PIK3C2G: variants seen among roughly 807,000 people sequenced by gnomAD.
PIK3C2G encodes the protein phosphatidylinositol-4-phosphate 3-kinase catalytic subunit type 2 gamma, also known as phosphatidylinositol 3-kinase C2 domain-containing subunit gamma.
In PIK3C2G, 168 loss-of-function variants were observed where a neutral mutation model predicts 181.1. The observed-to-expected ratio is 0.93, with a 90% CI of 0.82 to 1.05. The LOEUF is 1.05. PIK3C2G is among the 50% of genes least tolerant of loss of function. The pLI is 0.00. For missense variants in PIK3C2G, 1,869 were observed against 1,732.8 expected (o/e 1.08, Z -1.40); for synonymous variants, 573 against 592.2 (o/e 0.97, Z 0.47).
At chr12:18,336,243 C>T (rs1318770645) in intron 8 of PIK3C2G, among the ~76,000 whole-genome samples, 1 of 152,096 alleles carries the variant, frequency 6.6e-6, no homozygotes, top group Non-Finnish European at 1.5e-5. Flanking sequence ...ATTGTTCTCA[C>T]TTCACAGAAG....
At chr12:18,406,017 A>C (rs959707009) in intron 16 of PIK3C2G, among the ~76,000 whole-genome samples, 15 of 152,164 alleles carry the variant, frequency 9.9e-5, no homozygotes, top group Admixed American at 2.6e-4. Context: ...CTTTGACAAC[A>C]ATCTCCTCTT....
At chr12:18,501,993 G>C (rs1941522786) in intron 22 of PIK3C2G, among the ~76,000 whole-genome samples, 1 of 152,128 alleles carries the variant, frequency 6.6e-6, no homozygotes, top group African/African-American at 2.4e-5. Flanking sequence ...AAATTTTCAG[G>C]ATTAAAAAGC....
At chr12:18,701,664 A>G in the PIK3C2G span, 93 of 1,600,510 alleles carry the variant, frequency 5.8e-5, no homozygotes, top group Non-Finnish European at 7.6e-5. Flanking sequence ...TCCATCTGCC[A>G]CTTCTTCTTC....
chr12:18,346,591 G>A (rs777149460), intron 10 of PIK3C2G, 50 bp from the exon 11 acceptor site: 1 of 1,070,664 alleles, frequency 9.3e-7, no homozygotes. Context: ...GATGGCCTAT[G>A]ATAAATATGG....
chr12:18,645,403 A>C (rs1320517893), intron 32 of PIK3C2G, among the ~76,000 whole-genome samples: 3 of 152,196 alleles, frequency 2.0e-5, no homozygotes, highest in African/African-American at 7.2e-5. Context: ...TTTTAAGAAA[A>C]TAACTTTTCT....
chr12:18,716,883 T>C, the PIK3C2G span, among the ~76,000 whole-genome samples: 1 of 152,198 alleles, frequency 6.6e-6, no homozygotes, highest in African/African-American at 2.4e-5. Context: ...ATTAAGATAT[T>C]GAATGCTTTA....
chr12:18,474,188 T>G (rs1389501940), intron 18 of PIK3C2G, among the ~76,000 whole-genome samples: 1 of 152,128 alleles, frequency 6.6e-6, no homozygotes, highest in African/African-American at 2.4e-5. Context: ...GTCAATTGAG[T>G]ATCATTAGCT....
chr12:18,569,432 A>G (rs992466374), intron 29 of PIK3C2G, among the ~76,000 whole-genome samples: 46 of 152,262 alleles, frequency 3.0e-4, no homozygotes, highest in African/African-American at 9.4e-4. Flanking sequence ...TTTTAGGCCA[A>G]CAATGCAGTG....
At chr12:18,507,293 T>C (rs1244710657) in intron 24 of PIK3C2G, among the ~76,000 whole-genome samples, 3 of 152,082 alleles carry the variant, frequency 2.0e-5, no homozygotes, top group Non-Finnish European at 4.4e-5. Flanking sequence ...CCTCCCAAAG[T>C]GCGGGGATTA....
intron 20 of PIK3C2G, among the ~76,000 whole-genome samples, 195 bp from the exon 21 acceptor site, chr12:18,495,867 C>CTCCA (rs1229347349): frequency 1.3e-5 from 2 of 152,072 alleles, no homozygotes; most frequent in African/African-American, 2.4e-5. Context: ...AAAGTAAAGG[C>CTCCA]TCCAGTTGAT....
chr12:18,661,136 G>C, the PIK3C2G span, among the ~76,000 whole-genome samples: 1 of 152,014 alleles, frequency 6.6e-6, no homozygotes, highest in Non-Finnish European at 1.5e-5. Context: ...TTTAAGAAAA[G>C]TGAACAGAGC....
chr12:18,408,269 G>C (rs1423542295), intron 16 of PIK3C2G, among the ~76,000 whole-genome samples: 2 of 152,088 alleles, frequency 1.3e-5, no homozygotes, highest in Non-Finnish European at 2.9e-5. Flanking sequence ...TCCAGTTTTA[G>C]CTTTCTGGAT....
chr12:18,622,822 A>G (rs1555153688), intron 31 of PIK3C2G, among the ~76,000 whole-genome samples: 2 of 151,686 alleles, frequency 1.3e-5, no homozygotes, highest in Non-Finnish European at 3.0e-5. Context: ...CATTTTTTTC[A>G]TGTATCTGTT....
chr12:18,413,635 A>G (rs189830498), intron 16 of PIK3C2G, among the ~76,000 whole-genome samples: 1 of 152,240 alleles, frequency 6.6e-6, no homozygotes, highest in East Asian at 1.9e-4. Context: ...CATCAGCCTC[A>G]TGAATCTCCT....
chr12:18,425,458 C>A, intron 18 of PIK3C2G, among the ~76,000 whole-genome samples: 1 of 125,030 alleles, frequency 8.0e-6, no homozygotes, highest in Admixed American at 1.1e-4. Context: ...GTGGTGCAAT[C>A]TCAGCTCACT....
At chr12:18,622,964 A>G in intron 31 of PIK3C2G, among the ~76,000 whole-genome samples, 1 of 151,652 alleles carries the variant, frequency 6.6e-6, no homozygotes, top group South Asian at 2.1e-4. Context: ...CAGATATATG[A>G]CTTGCAAATA....
the PIK3C2G span, among the ~76,000 whole-genome samples, chr12:18,664,550 A>C: frequency 6.6e-6 from 1 of 152,166 alleles, no homozygotes; most frequent in Non-Finnish European, 1.5e-5. Flanking sequence ...TATTTATATG[A>C]GATACTTAAA....
intron 18 of PIK3C2G, among the ~76,000 whole-genome samples, chr12:18,454,053 T>C (rs796505682): frequency 6.6e-6 from 1 of 151,974 alleles, no homozygotes; most frequent in East Asian, 1.9e-4. Flanking sequence ...TTTCTACTAG[T>C]TTTTTTTACC....
chr12:18,599,098 C>T (rs1423993401), intron 30 of PIK3C2G, among the ~76,000 whole-genome samples: 4 of 152,076 alleles, frequency 2.6e-5, no homozygotes, highest in African/African-American at 7.2e-5. Context: ...GGCAATTCCT[C>T]AGGGATCTAG....
Sources: gnomAD v4.1 joint callset for allele counts (sites outside exome capture counted in the v4.1 genomes callset) on GRCh38, gnomAD v4.1.1 for gene constraint, MANE v1.5 for transcripts, NCBI Gene and HGNC (gene_info 2026-07-23, HGNC 2026-07-21) for gene names.